Variants in SAMMSON observed in about 807,000 individuals in gnomAD.
SAMMSON encodes long intergenic non-protein coding RNA 1212.
intron 3 of SAMMSON, among the ~76,000 whole-genome samples, chr3:70,019,227 C>G (rs999363570): frequency 1.3e-5 from 2 of 152,110 alleles, no homozygotes; most frequent in African/African-American, 4.8e-5. Context: ...AAGTCTGTTT[C>G]TAGATCTCTA....
At chr3:70,027,579 A>G (rs1446182380) in intron 3 of SAMMSON, among the ~76,000 whole-genome samples, 1 of 152,206 alleles carries the variant, frequency 6.6e-6, no homozygotes, top group Non-Finnish European at 1.5e-5. Context: ...AGCAAGTTGT[A>G]AAGATTGTTA....
intron 3 of SAMMSON, among the ~76,000 whole-genome samples, chr3:70,041,970 A>G (rs960260440): frequency 6.6e-6 from 1 of 152,074 alleles, no homozygotes; most frequent in African/African-American, 2.4e-5. Flanking sequence ...TTTGACCCAG[A>G]CATTATTTGG....
At chr3:70,146,391 A>G (rs1470319839) in intron 4 of SAMMSON, among the ~76,000 whole-genome samples, 1 of 152,026 alleles carries the variant, frequency 6.6e-6, no homozygotes, top group Admixed American at 6.6e-5. Context: ...AATATCTGTC[A>G]TGAACATAGA....
rs530647593 is a variant in SAMMSON at position 70,104,607 on chromosome 3, C to T, written n.507+33042C>T. Among the ~76,000 whole-genome samples the T allele has an allele frequency of 9.2e-5, 14 of 152,216 alleles. No homozygotes were observed. The South Asian group carries it at 1.2e-3, about 14-fold the overall frequency. On this transcript the variant is annotated intron_variant and non_coding_transcript_variant, in intron 4 of 9. Transcript: ENST00000642114. ...GGTCAAGGTGTACCCCAAACCGTGTCGGACCTTTACAGAGTGCCAGGAGCT... is the reference window on the plus strand; with the variant it reads ...GGTCAAGGTGTACCCCAAACCGTGTTGGACCTTTACAGAGTGCCAGGAGCT...
intron 3 of SAMMSON, among the ~76,000 whole-genome samples, chr3:70,026,341 T>A (rs906443876): frequency 6.6e-6 from 1 of 152,176 alleles, no homozygotes; most frequent in Non-Finnish European, 1.5e-5. Context: ...GGAATTAATT[T>A]ATTTTATTCA....
At chr3:70,034,155 G>T (rs953617644) in intron 3 of SAMMSON, among the ~76,000 whole-genome samples, 1 of 152,096 alleles carries the variant, frequency 6.6e-6, no homozygotes. Flanking sequence ...CCAAAGCTGG[G>T]CCGTCTGTTT....
chr3:70,152,108 A>C (rs2067574215), intron 4 of SAMMSON, among the ~76,000 whole-genome samples: 1 of 151,948 alleles, frequency 6.6e-6, no homozygotes, highest in Non-Finnish European at 1.5e-5. Context: ...GTTAGAGTAA[A>C]AATATTTATA....
chr3:70,163,352 T>G (rs905074408), intron 4 of SAMMSON, among the ~76,000 whole-genome samples: 7 of 147,728 alleles, frequency 4.7e-5, no homozygotes, highest in African/African-American at 1.7e-4. Context: ...AATATATATA[T>G]ATAGAGAGAG....
At chr3:70,122,321 T>C (rs1002458261) in intron 4 of SAMMSON, among the ~76,000 whole-genome samples, 1 of 152,126 alleles carries the variant, frequency 6.6e-6, no homozygotes, top group Non-Finnish European at 1.5e-5. Flanking sequence ...GCCTCTTGAG[T>C]AGCTGGGACT....
At chr3:70,110,620 G>A (rs965969825) in intron 4 of SAMMSON, among the ~76,000 whole-genome samples, 3 of 152,028 alleles carry the variant, frequency 2.0e-5, no homozygotes, top group South Asian at 2.1e-4. Context: ...TACCTCTCAG[G>A]TTTAGATACT....
intron 2 of SAMMSON, among the ~76,000 whole-genome samples, chr3:70,410,702 A>G (rs1013310385): frequency 3.3e-5 from 5 of 152,208 alleles, no homozygotes; most frequent in East Asian, 1.9e-4. Context: ...TGATTAGGCT[A>G]TAGCTTAAAA....
chr3:70,315,315 T>C (rs947736982), intron 7 of SAMMSON, among the ~76,000 whole-genome samples: 2 of 152,162 alleles, frequency 1.3e-5, no homozygotes, highest in African/African-American at 2.4e-5. Flanking sequence ...TTGAACAGGC[T>C]TTTGTTCTTA....
At chr3:70,164,644 T>C (rs372102694) in intron 4 of SAMMSON, among the ~76,000 whole-genome samples, 1 of 151,968 alleles carries the variant, frequency 6.6e-6, no homozygotes, top group Non-Finnish European at 1.5e-5. Flanking sequence ...AGCCAGACCA[T>C]CTGGGCTCAC....
intron 7 of SAMMSON, among the ~76,000 whole-genome samples, chr3:70,347,338 A>C (rs1360307510): frequency 6.6e-6 from 1 of 152,216 alleles, no homozygotes; most frequent in Non-Finnish European, 1.5e-5. Context: ...AAGGGAGGGC[A>C]ATTAAAAGAT....
chr3:70,234,091 A>G (rs1457679209), intron 4 of SAMMSON, among the ~76,000 whole-genome samples: 1 of 152,198 alleles, frequency 6.6e-6, no homozygotes, highest in Non-Finnish European at 1.5e-5. Context: ...ACACATTAAG[A>G]ATAAAAAGAC....
chr3:70,290,518 T>A (rs185077276), intron 6 of SAMMSON, among the ~76,000 whole-genome samples: 68 of 152,330 alleles, frequency 4.5e-4, no homozygotes, highest in African/African-American at 1.5e-3. Context: ...TTTTTGTTTG[T>A]CTGTGCCCTG....
At chr3:70,234,418 G>C (rs1701589060) in intron 4 of SAMMSON, among the ~76,000 whole-genome samples, 1 of 152,122 alleles carries the variant, frequency 6.6e-6, no homozygotes, top group Admixed American at 6.5e-5. Context: ...GGAAGCTGAG[G>C]TAGGTGGATT....
chr3:70,392,065 C>T (rs1701053415), downstream of SAMMSON, among the ~76,000 whole-genome samples: 2 of 152,110 alleles, frequency 1.3e-5, no homozygotes, highest in South Asian at 2.1e-4. Flanking sequence ...ATGGGTACCC[C>T]GCCTAGCCCT....
intron 4 of SAMMSON, among the ~76,000 whole-genome samples, chr3:70,079,191 G>T (rs1465468730): frequency 6.6e-6 from 1 of 152,148 alleles, no homozygotes; most frequent in East Asian, 1.9e-4. Context: ...TCAAATTCTG[G>T]TTTCTCTATG....
Sources: gnomAD v4.1 joint callset for allele counts (sites outside exome capture counted in the v4.1 genomes callset) on GRCh38, gnomAD v4.1.1 for gene constraint, MANE v1.5 for transcripts, NCBI Gene and HGNC (gene_info 2026-07-23, HGNC 2026-07-21) for gene names.